Variants in STX10 observed in about 807,000 individuals in gnomAD.
STX10 encodes the protein syntaxin-10.
A neutral mutation model predicts 34.1 loss-of-function variants in STX10; 35 were observed. The ratio of observed to expected loss-of-function variants is 1.03; its 90% CI spans 0.78 to 1.36. The LOEUF (loss-of-function observed/expected upper bound fraction) is 1.36, where lower values mean the gene tolerates loss of function less well. STX10 is among the 40% of genes most tolerant of loss of function. The pLI is 0.00. For synonymous variants in STX10, 155 were observed against 132.9 expected, an observed-to-expected ratio of 1.17 and a Z score of -1.15; for missense variants, 361 against 335.5, an observed-to-expected ratio of 1.08 and a Z score of -0.59.
At chr19:13,146,552 T>C (rs1165371974) in intron 4 of STX10, among the ~76,000 whole-genome samples, 1 of 150,604 alleles carries the variant, frequency 6.6e-6, no homozygotes, top group Non-Finnish European at 1.5e-5. Context: ...TGTTTGTTTG[T>C]TTGTCTGAGA....
intron 4 of STX10, among the ~76,000 whole-genome samples, chr19:13,148,570 C>T (rs1600022237): frequency 6.7e-6 from 1 of 150,144 alleles, no homozygotes. Flanking sequence ...ATCCCAGCTA[C>T]TTGGGAGGCT....
chr19:13,148,683 G>GA (rs951020822), intron 4 of STX10, among the ~76,000 whole-genome samples: 20 of 146,314 alleles, frequency 1.4e-4, no homozygotes, highest in East Asian at 6.0e-4. Flanking sequence ...CTGTCTCAAA[G>GA]AAAAAAAAAA....
At chr19:13,148,062 CAAAAAAAAAAA>C (rs55668178) in intron 4 of STX10, among the ~76,000 whole-genome samples, 65 of 53,900 alleles carry the variant, frequency 1.2e-3, no homozygotes, top group South Asian at 5.6e-3. Flanking sequence ...GACTGCATCT[CAAAAAAAAAAA>C]AAAAAAAAAA....
At chr19:13,149,426 A>AAGAAAG (rs1555724460) in intron 3 of STX10, 73 bp downstream of exon 3, 10 of 753,140 alleles carry the variant, frequency 1.3e-5, no homozygotes, top group Admixed American at 6.3e-5. Flanking sequence ...AAAAAAAAAA[A>AAGAAAG]AAAGAAAGAA....
intron 4 of STX10, among the ~76,000 whole-genome samples, chr19:13,146,935 G>A (rs2019911956): frequency 2.0e-5 from 3 of 152,076 alleles, no homozygotes; most frequent in Admixed American, 6.6e-5. Flanking sequence ...AAACTGGGAG[G>A]AGCCTCAGTC....
At position 13,144,449 on chromosome 19, in the gene STX10, C is replaced by T. The variant is rs763538428; in HGVS notation, c.711G>A (p.Gly237=). ...RQWCAIAVLV[G]VLLLVLILLF... The stretch of plus-strand genomic sequence containing the variant: ...GTAAGATGAGAACGAGGAGAAGCAC[C>T]CCCACTAGCACGGCGATGGCACACC... The change falls in exon 8 of 8, where the codon GGG becomes GGA. Residue 237 remains glycine, a synonymous_variant. Coordinates refer to ENST00000587230, the MANE Select transcript of STX10 (RefSeq NM_003765.3). 6.2e-7 allele frequency: 1 copy of T among 1,612,884 alleles called. No homozygotes were observed. Among genetic ancestry groups the T allele is most frequent in the Non-Finnish European group, 8.5e-7 (1 of 1,179,702 alleles).
At position 13,144,855 on chromosome 19, in the gene STX10, G is replaced by C. The variant is rs774149294; in HGVS notation, c.487C>G (p.Gln163Glu). The C allele has an allele frequency of 6.2e-7, 1 of 1,613,654 alleles. No homozygotes were observed. The highest frequency in any genetic ancestry group is 1.7e-5 in the Admixed American group (1 of 59,978). The change falls in exon 6 of 8, where the codon CAG (glutamine) becomes GAG (glutamate). Residue 163 changes from glutamine (Q) to glutamate (E), a missense_variant. Coordinates refer to ENST00000587230, the MANE Select transcript of STX10 (RefSeq NM_003765.3). ...GACACCATCTCCAGCTGTTGATCCT[G>C]TTCATCCATGATCAGCTGCAGAGCG... ...QATQQLIMDEQDQQLEMVSGS... is the reference protein window; with the variant it reads ...QATQQLIMDEEDQQLEMVSGS...
At position 13,149,799 on chromosome 19, in the gene STX10, C is replaced by A. The variant is rs377662499; in HGVS notation, c.134G>T (p.Trp45Leu). 19 of 1,613,966 alleles carry A rather than the reference C, an allele frequency of 1.2e-5. No individual in the cohort carries two copies. The highest frequency in any genetic ancestry group is 1.5e-5 in the Non-Finnish European group (18 of 1,180,046). ...GCCATTCCGCAGCTCATTGGTCGTCCAGTCCAGCTCCTCGCGTCCGACCGC... is the reference window on the plus strand; with the variant it reads ...GCCATTCCGCAGCTCATTGGTCGTCAAGTCCAGCTCCTCGCGTCCGACCGC... Reference protein sequence around the residue: ...SAAVGREELDWTTNELRNGLR... With the variant: ...SAAVGREELDLTTNELRNGLR... Residue 45 changes from tryptophan (W) to leucine (L), a missense_variant, in exon 2 of 8, where the codon TGG becomes TTG. By Grantham distance (61) the Trp-to-Leu change is moderately conservative. Transcript: ENST00000587230.
Position 13,149,789 on chromosome 19 carries a change from A to G in STX10, c.144T>C (p.Asn48=), listed in dbSNP as rs765944834. ...TGCTGCGCAGGCCATTCCGCAGCTC[A>G]TTGGTCGTCCAGTCCAGCTCCTCGC... ...VGREELDWTT[N]ELRNGLRSIE... is the part of the protein sequence containing the mutation. Residue 48 remains asparagine, a synonymous_variant, in exon 2 of 8, where the codon AAT becomes AAC. Coordinates refer to ENST00000587230, the MANE Select transcript of STX10 (RefSeq NM_003765.3). The G allele has an allele frequency of 4.3e-6, 7 of 1,614,074 alleles. No individual in the cohort carries two copies. The Admixed American group carries it at 1.2e-4, about 27-fold the overall frequency.
rs145786270 is a variant in STX10, at chr19:13,144,627, C to T, written c.623G>A (p.Arg208His). Reference sequence around the variant, plus strand: ...CAACTTCCTGAGGACCCCGTCCATGCGGGACTGGGTGTGGTCCATCTCTTG... The same window carrying T: ...CAACTTCCTGAGGACCCCGTCCATGTGGGACTGGGTGTGGTCCATCTCTTG... ...FAQEMDHTQS[R>H]MDGVLRKLAK... The change falls in exon 7 of 8, where the codon CGC becomes CAC. Residue 208 changes from arginine to histidine, a missense_variant. By Grantham distance (29) the Arg-to-His change is conservative (BLOSUM62 0). Transcript: ENST00000587230. 1.5e-5 allele frequency: 24 copies of T among 1,614,002 alleles called. No homozygotes were observed. The highest frequency in any genetic ancestry group is 1.1e-5 in the South Asian group (1 of 91,088).
In STX10 at chr19:13,150,174, G is replaced by A. The variant is rs559290707; in HGVS notation, c.-1C>T. 15 of 1,093,708 alleles carry A rather than the reference G, an allele frequency of 1.4e-5. 1 individual carries two copies. Among genetic ancestry groups the A allele is most frequent in the African/African-American group, 1.2e-4 (8 of 64,308 alleles). 67.8% of individuals were successfully genotyped at this position (1,093,708 alleles called of 1,614,324 possible). ...CAAAAAAGGGGTCTTCGAGAGACAT[G>A]TCAGTCCCTTCCCCCCCAGGCCGAA... is the stretch of plus-strand genomic sequence containing the variant. On this transcript the variant is annotated 5_prime_UTR_variant, in exon 1 of 8. Transcript: ENST00000587230. The surrounding 1 kb of genome is among the most constrained non-coding windows in gnomAD (Gnocchi z 4.0).
chr19:13,145,197 TCAA>T lies in STX10; in HGVS notation c.471+88_471+90del, dbSNP rs565341353. ...CTGGGCGACAAAGCGAAACTCCATA[TCAA>T]CAACAACAACAACAAAAAGGGACCC... On this transcript the variant is annotated intron_variant, in intron 5 of 7. Transcript: ENST00000587230. 1.6e-4 allele frequency: 196 copies of T among 1,246,904 alleles called. 1 individual carries two copies. The highest frequency in any genetic ancestry group is 2.0e-4 in the Non-Finnish European group (174 of 889,146). 77.2% of individuals were successfully genotyped at this position (1,246,904 alleles called of 1,614,324 possible).
At position 13,149,091 on chromosome 19, in the gene STX10, C is replaced by T; in HGVS notation, c.301G>A (p.Glu101Lys). 2 of 1,594,314 alleles carry T rather than the reference C, an allele frequency of 1.3e-6. No homozygotes were observed. The highest frequency in any genetic ancestry group is 1.7e-6 in the Non-Finnish European group (2 of 1,170,162). Residue 101 changes from glutamate (E) to lysine (K), a missense_variant and splice_region_variant, in exon 4 of 8, where the codon GAA becomes AAA. By Grantham distance (56) the Glu-to-Lys change is moderately conservative (BLOSUM62 1). Coordinates refer to ENST00000587230, the MANE Select transcript of STX10 (RefSeq NM_003765.3). ...FVERMREAVQEMKDHMVSPTA... is the reference protein window; with the variant it reads ...FVERMREAVQKMKDHMVSPTA... ...GGGCTGACCATATGGTCCTTCATTT[C>T]CTGGAGGTAAGGACAGCATTAGGGA...
Position 13,149,899 on chromosome 19 carries a change from T to C in STX10, c.36-2A>G, listed in dbSNP as rs2020018667. 6.3e-7 allele frequency: 1 copy of C among 1,582,570 alleles called. No individual in the cohort carries two copies. The highest frequency in any genetic ancestry group is 8.6e-7 in the Non-Finnish European group (1 of 1,165,382). On this transcript the variant is annotated splice_acceptor_variant, in intron 1 of 7. Transcript: ENST00000587230. LOFTEE classifies it high-confidence loss of function. ...GTGTTCACCGCCTTCTGCACCTCGC[T>C]GCGGGCAGGGGCACGGCGGGCGCGG...
At chr19:13,145,523 C>A in intron 4 of STX10, 128 bp from the exon 5 acceptor site, 1 of 694,896 alleles carries the variant, frequency 1.4e-6, no homozygotes, top group African/African-American at 1.8e-5. Flanking sequence ...TCCCCACTCA[C>A]CACTTACTAG....
At chr19:13,145,018 G>A (rs561650813) in intron 5 of STX10, 148 bp from the exon 6 acceptor site, 1 of 742,798 alleles carries the variant, frequency 1.3e-6, no homozygotes, top group East Asian at 2.7e-5. Flanking sequence ...GGCCAACATG[G>A]TGAAACCCCA....
intron 4 of STX10, among the ~76,000 whole-genome samples, chr19:13,146,981 G>T (rs1480610837): frequency 6.6e-6 from 1 of 151,948 alleles, no homozygotes; most frequent in East Asian, 1.9e-4. Flanking sequence ...GCTTATGAGG[G>T]AGAGAGAAAG....
At position 13,145,309 on chromosome 19, in the gene STX10, C is replaced by T. The variant is rs1268426721; in HGVS notation, c.450G>A (p.Glu150=). 2 of 1,611,510 alleles carry T rather than the reference C, an allele frequency of 1.2e-6. No individual in the cohort carries two copies. The highest frequency in any genetic ancestry group is 1.7e-6 in the Non-Finnish European group (2 of 1,179,992). The change falls in exon 5 of 8, where the codon GAG becomes GAA. Residue 150 remains glutamate, a synonymous_variant. Coordinates refer to ENST00000587230, the MANE Select transcript of STX10 (RefSeq NM_003765.3). ...AAACCTGCTGTGTGGCCTGCTGCTC[C>T]TCGATGTAGCGAGATGTGGCCGAGA... is the stretch of plus-strand genomic sequence containing the variant. The part of the protein sequence containing the change: ...SAVSATSRYI[E]EQQATQQLIM...
chr19:13,149,984 G>A (rs1228946294), intron 1 of STX10, 87 bp from the exon 2 acceptor site: 2 of 1,496,882 alleles, frequency 1.3e-6, no homozygotes, highest in Non-Finnish European at 1.8e-6. Context: ...AAACGCATGG[G>A]GGACTCCGGA....
Sources: gnomAD v4.1 joint callset for allele counts (sites outside exome capture counted in the v4.1 genomes callset) on GRCh38, gnomAD v4.1.1 for gene constraint, Gnocchi (gnomAD v3.1) non-coding constraint, MANE v1.5 for transcripts, NCBI Gene and HGNC (gene_info 2026-07-23, HGNC 2026-07-21) for gene names.